Variants in GRK5 observed in about 807,000 individuals in gnomAD.
The protein encoded by GRK5 is g protein-coupled receptor kinase GRK5.
GRK5 carries 40 observed loss-of-function variants against 78.4 expected under a neutral mutation model. The ratio of observed to expected loss-of-function variants is 0.51; its 90% CI spans 0.40 to 0.66. The LOEUF is 0.66. GRK5 is among the 30% of genes least tolerant of loss of function. The pLI is 0.00. For missense variants in GRK5, 598 were observed against 759.9 expected (o/e 0.79, Z 2.50); for synonymous variants, 289 against 296.8 (o/e 0.97, Z 0.27).
chr10:119,428,755 C>T (rs564645889), intron 6 of GRK5, among the ~76,000 whole-genome samples: 2 of 152,292 alleles, frequency 1.3e-5, no homozygotes, highest in African/African-American at 2.4e-5. Flanking sequence ...GTTTTTGGAG[C>T]CTGTAGGGCA....
At chr10:119,212,096 C>T (rs920441610) in intron 1 of GRK5, among the ~76,000 whole-genome samples, 3 of 151,964 alleles carry the variant, frequency 2.0e-5, no homozygotes, top group Non-Finnish European at 4.4e-5. Context: ...TAAGGCAGCT[C>T]GGTGTGTGTA....
At chr10:119,295,153 G>A (rs372224058) in intron 1 of GRK5, among the ~76,000 whole-genome samples, 4 of 138,388 alleles carry the variant, frequency 2.9e-5, no homozygotes, top group South Asian at 4.5e-4. Flanking sequence ...TCGCACCACC[G>A]CACTCCAGCC....
chr10:119,301,567 C>T (rs561471454), intron 1 of GRK5, among the ~76,000 whole-genome samples: 96 of 152,284 alleles, frequency 6.3e-4, no homozygotes, highest in Non-Finnish European at 9.4e-4. Context: ...CTAGAGCACG[C>T]CCCATCCGAT....
chr10:119,318,641 T>C (rs1360282403), intron 1 of GRK5, among the ~76,000 whole-genome samples: 1 of 152,068 alleles, frequency 6.6e-6, no homozygotes, highest in Non-Finnish European at 1.5e-5. Context: ...GAATCCATCA[T>C]CGCTGCACCC....
At chr10:119,333,760 T>C (rs765773742) in intron 2 of GRK5, 1 of 532,590 alleles carries the variant, frequency 1.9e-6, no homozygotes, top group Non-Finnish European at 3.8e-6. Flanking sequence ...AAACATGCTG[T>C]CCACGGGGGA....
intron 1 of GRK5, among the ~76,000 whole-genome samples, chr10:119,244,979 TA>T (rs569842318): frequency 1.3e-3 from 204 of 152,248 alleles, no homozygotes; most frequent in Non-Finnish European, 2.6e-3. Flanking sequence ...TCTGGGTTTT[TA>T]TCCAAAAGAA....
At chr10:119,363,863 G>A (rs61419702) in intron 2 of GRK5, among the ~76,000 whole-genome samples, 9,971 of 152,236 alleles carry the variant, frequency 0.065, 676 homozygotes, top group African/African-American at 0.17. Context: ...GCTAAAAATG[G>A]GAGATCTATT....
At position 119,367,309 on chromosome 10, in the gene GRK5, G is replaced by A. The variant is rs1851465383; in HGVS notation, c.149-13506G>A. Among the ~76,000 whole-genome samples, 2 of 152,204 alleles carry A rather than the reference G, an allele frequency of 1.3e-5. 1 individual carries two copies. The highest frequency in any genetic ancestry group is 1.3e-4 in the Admixed American group (2 of 15,284). ...CTCTCCCCCATCTCTCATCTGGAGT[G>A]TGGGCATTGGTGAGCTCGTGTGCCT... On this transcript the variant is annotated intron_variant, in intron 2 of 15. Transcript: ENST00000392870.
intron 1 of GRK5, among the ~76,000 whole-genome samples, chr10:119,287,643 C>T (rs1171587740): frequency 6.6e-6 from 1 of 152,126 alleles, no homozygotes; most frequent in Non-Finnish European, 1.5e-5. Flanking sequence ...TGGGGCTTAG[C>T]TCAACTGATA....
chr10:119,215,307 C>T (rs1289333226), intron 1 of GRK5, among the ~76,000 whole-genome samples: 1 of 152,092 alleles, frequency 6.6e-6, no homozygotes, highest in Non-Finnish European at 1.5e-5. Context: ...GAAAGCTCAT[C>T]GGGACAGAGC....
chr10:119,441,562 A>G (rs1853036043), intron 10 of GRK5, among the ~76,000 whole-genome samples: 1 of 152,222 alleles, frequency 6.6e-6, no homozygotes, highest in Non-Finnish European at 1.5e-5. Flanking sequence ...CCAGAGACCA[A>G]CAAGGCAGGC....
In GRK5 at chr10:119,328,753, C is replaced by T. The variant is rs146198461; in HGVS notation, c.148+2142C>T. ...TCTCCAAGGGGAGCAATGTGAGAAG[C>T]GGGCACCTGCGCACAGCCACGCTCA... is the stretch of plus-strand genomic sequence containing the variant. On this transcript the variant is annotated intron_variant, in intron 2 of 15. Transcript: ENST00000392870. 3.4e-3 allele frequency among the ~76,000 whole-genome samples: 514 copies of T among 152,344 alleles called. 4 individuals are homozygous for T. Among genetic ancestry groups the T allele is most frequent in the Middle Eastern group, 0.031 (9 of 294 alleles).
At chr10:119,384,965 T>C (rs1851769441) in intron 3 of GRK5, among the ~76,000 whole-genome samples, 1 of 152,070 alleles carries the variant, frequency 6.6e-6, no homozygotes, top group Non-Finnish European at 1.5e-5. Flanking sequence ...AGTAGGATGG[T>C]CAGCATTGGA....
intron 4 of GRK5, among the ~76,000 whole-genome samples, chr10:119,397,604 G>A (rs779898790): frequency 6.6e-6 from 1 of 152,192 alleles, no homozygotes; most frequent in African/African-American, 2.4e-5. Flanking sequence ...GGACCCTGTG[G>A]GCCAACCAGC....
chr10:119,374,249 G>A (rs1487699855), intron 2 of GRK5, among the ~76,000 whole-genome samples: 1 of 152,228 alleles, frequency 6.6e-6, no homozygotes, highest in Non-Finnish European at 1.5e-5. Flanking sequence ...AGGAAACTGA[G>A]ACCAAGAAAG....
chr10:119,246,684 G>A (rs1029670222), intron 1 of GRK5, among the ~76,000 whole-genome samples: 3 of 152,292 alleles, frequency 2.0e-5, no homozygotes, highest in Non-Finnish European at 4.4e-5. Context: ...TTCAGACATC[G>A]GCTAGAATTG....
At chr10:119,208,428 A>G (rs968471195) in intron 1 of GRK5, 2 of 165,630 alleles carry the variant, frequency 1.2e-5, no homozygotes, top group Admixed American at 6.5e-5. Context: ...GATATAGACT[A>G]TTGCTGGAAA....
In GRK5 at chr10:119,296,606, C is replaced by T. The variant is rs534724720; in HGVS notation, c.53-29910C>T. ...TCAAAGTGAAGGCTGCTGTGGAGGA[C>T]GTCATGGTGCATCATTAATTCTGGT... On this transcript the variant is annotated intron_variant, in intron 1 of 15. Coordinates refer to ENST00000392870, the MANE Select transcript of GRK5 (RefSeq NM_005308.3). 1.3e-3 allele frequency among the ~76,000 whole-genome samples: 198 copies of T among 152,264 alleles called. 1 individual carries two copies. Among genetic ancestry groups the T allele is most frequent in the African/African-American group, 4.7e-3 (196 of 41,546 alleles).
Position 119,424,766 on chromosome 10 carries a change from G to A in GRK5, c.441-227G>A, listed in dbSNP as rs567557076. Among the ~76,000 whole-genome samples, 9 of 152,156 alleles carry A rather than the reference G, an allele frequency of 5.9e-5. No homozygotes were observed. The South Asian group carries it at 1.7e-3, about 28-fold the overall frequency. On this transcript the variant is annotated intron_variant, in intron 5 of 15. Coordinates refer to ENST00000392870, the MANE Select transcript of GRK5 (RefSeq NM_005308.3). ...CCCCTTGCTCCCAGCTATATCCCAGGGCCTAGAACAGTGCCCAACACTTGG... is the reference window on the plus strand; with the variant it reads ...CCCCTTGCTCCCAGCTATATCCCAGAGCCTAGAACAGTGCCCAACACTTGG...
Sources: gnomAD v4.1 joint callset for allele counts (sites outside exome capture counted in the v4.1 genomes callset) on GRCh38, gnomAD v4.1.1 for gene constraint, MANE v1.5 for transcripts, NCBI Gene and HGNC (gene_info 2026-07-23, HGNC 2026-07-21) for gene names.